The following CRCP variants were observed in gnomAD, a reference collection of about 807,000 sequenced individuals.
CRCP encodes CGRP receptor component.
A neutral mutation model predicts 18.5 loss-of-function variants in CRCP; 18 were observed. The ratio of observed to expected loss-of-function variants is 0.97; its 90% CI spans 0.67 to 1.44. The LOEUF (loss-of-function observed/expected upper bound fraction) is 1.44. Ranked by LOEUF, CRCP falls within the 40% of genes most tolerant of loss-of-function variation. The pLI is 0.00. For synonymous variants in CRCP, 53 were observed against 62.9 expected (o/e 0.84, Z 0.75); for missense variants, 130 against 176.4 (o/e 0.74, Z 1.49).
intron 1 of CRCP, among the ~76,000 whole-genome samples, chr7:66,122,001 G>C (rs1370013802): frequency 6.6e-6 from 1 of 152,160 alleles, no homozygotes; most frequent in African/African-American, 2.4e-5. Context: ...AGCATGACTT[G>C]ATAGCATAGG....
At chr7:66,124,359 CAAAA>C (rs541104067) in intron 1 of CRCP, among the ~76,000 whole-genome samples, 1 of 150,566 alleles carries the variant, frequency 6.6e-6, no homozygotes, top group African/African-American at 2.4e-5. Flanking sequence ...GACTCCTTCT[CAAAA>C]AAAAACTAAA....
chr7:66,117,929 C>G (rs1341142750), intron 1 of CRCP, among the ~76,000 whole-genome samples: 1 of 152,172 alleles, frequency 6.6e-6, no homozygotes, highest in Admixed American at 6.5e-5. Context: ...TACCCTCTGT[C>G]TGGTATACTT....
rs547873016 is a variant in CRCP at position 66,120,327 on chromosome 7, G to A, written c.8+5357G>A. Among the ~76,000 whole-genome samples the A allele has an allele frequency of 3.4e-4, 52 of 152,354 alleles. No homozygotes were observed. In the South Asian group the frequency reaches 6.4e-3, roughly 19 times the overall value. ...TTAGCTAGCATCCTAGTTGCTAGGC[G>A]TGTATATTTTCTGATTTTCCTAAGT... is the stretch of plus-strand genomic sequence containing the variant. On this transcript the variant is annotated intron_variant, in intron 1 of 5. Transcript: ENST00000395326.
intron 1 of CRCP, among the ~76,000 whole-genome samples, chr7:66,115,190 C>CG (rs1168824535): frequency 3.9e-5 from 6 of 152,168 alleles, no homozygotes; most frequent in Non-Finnish European, 7.3e-5. Context: ...GTGTCTGGTG[C>CG]GGGGCCGAGC....
chr7:66,146,198 C>A (rs1788289302), intron 5 of CRCP, among the ~76,000 whole-genome samples: 2 of 152,178 alleles, frequency 1.3e-5, no homozygotes. Flanking sequence ...GATCCCATTT[C>A]CCTGCATAAA....
rs569568672 is a variant in CRCP at position 66,119,015 on chromosome 7, C to A, written c.8+4045C>A. On this transcript the variant is annotated intron_variant, in intron 1 of 5. Coordinates refer to ENST00000395326, the MANE Select transcript of CRCP (RefSeq NM_014478.5). ...TCTTAGAGCTGGTTGTAAAGAAATT[C>A]TCTGACCTATCTCGTCTGATTGTTT... 6.0e-4 allele frequency among the ~76,000 whole-genome samples: 91 copies of A among 152,308 alleles called. No homozygotes were observed. The South Asian group carries it at 0.011, about 18-fold the overall frequency.
chr7:66,152,029 A>C (rs996066110), intron 5 of CRCP, among the ~76,000 whole-genome samples, 179 bp from the exon 6 acceptor site: 1 of 152,120 alleles, frequency 6.6e-6, no homozygotes, highest in Non-Finnish European at 1.5e-5. Context: ...GCATTGGCTC[A>C]GTCCAGGATG....
In CRCP at chr7:66,127,715, A is replaced by G. The variant is rs1787657295; in HGVS notation, c.20A>G (p.Asn7Ser). The G allele has an allele frequency of 5.0e-6, 8 of 1,614,160 alleles. No homozygotes were observed. Among genetic ancestry groups the G allele is most frequent in the South Asian group, 1.1e-5 (1 of 91,080 alleles). The change falls in exon 2 of 6, where the codon AAT (asparagine) becomes AGT (serine). Residue 7 changes from asparagine (N) to serine (S), a missense_variant. Physicochemically the swap from Asn to Ser is conservative, Grantham distance 46. Coordinates refer to ENST00000395326, the MANE Select transcript of CRCP (RefSeq NM_014478.5). MEVKDANSALLSNYEVF... is the reference protein window; with the variant it reads MEVKDASSALLSNYEVF... ...CTTTTCTTTTTCAGGAAGGATGCCA[A>G]TTCTGCGCTTCTCAGTAACTACGAG...
chr7:66,144,667 T>C (rs1271506997), intron 4 of CRCP, among the ~76,000 whole-genome samples: 1 of 152,126 alleles, frequency 6.6e-6, no homozygotes, highest in East Asian at 1.9e-4. Flanking sequence ...AATTTTTTTG[T>C]AAGGTTTTTT....
At chr7:66,146,484 A>G (rs1383222978) in intron 5 of CRCP, among the ~76,000 whole-genome samples, 1 of 152,208 alleles carries the variant, frequency 6.6e-6, no homozygotes, top group Admixed American at 6.5e-5. Context: ...GAGAATTAAC[A>G]AAATGAGAAT....
In CRCP at chr7:66,133,461, T is replaced by G. The variant is rs188763305; in HGVS notation, c.145-819T>G. On this transcript the variant is annotated intron_variant, in intron 3 of 5. Transcript: ENST00000395326. Reference sequence around the variant, plus strand: ...AGGCGGAGCTTGCAGTGAGCCGAGATCGTGCCGCTGCACTCCAGCCTGCAG... The same window carrying G: ...AGGCGGAGCTTGCAGTGAGCCGAGAGCGTGCCGCTGCACTCCAGCCTGCAG... Among the ~76,000 whole-genome samples, 636 of 149,252 alleles carry G rather than the reference T, an allele frequency of 4.3e-3. 7 individuals are homozygous for G. The highest frequency in any genetic ancestry group is 0.021 in the Middle Eastern group (6 of 292).
intron 2 of CRCP, chr7:66,128,850 T>C (rs1787697187): frequency 1.3e-5 from 2 of 152,174 alleles, no homozygotes; most frequent in South Asian, 4.1e-4. Flanking sequence ...CATTTATACC[T>C]TGACTGTGAA....
intron 1 of CRCP, among the ~76,000 whole-genome samples, chr7:66,124,397 C>G (rs1787555398): frequency 6.6e-6 from 1 of 152,102 alleles, no homozygotes; most frequent in Non-Finnish European, 1.5e-5. Flanking sequence ...CCACAAATAC[C>G]TGTATACGCG....
intron 1 of CRCP, 117 bp downstream of exon 1, chr7:66,115,087 G>A: frequency 3.4e-6 from 5 of 1,451,854 alleles, no homozygotes; most frequent in African/African-American, 2.8e-5. Context: ...TGAGGGCAGC[G>A]GGCCGGCCCT....
At chr7:66,119,136 C>G (rs1448633077) in intron 1 of CRCP, among the ~76,000 whole-genome samples, 2 of 152,156 alleles carry the variant, frequency 1.3e-5, no homozygotes, top group Non-Finnish European at 2.9e-5. Context: ...TGCACTCAGT[C>G]TTAGTATTAG....
intron 3 of CRCP, among the ~76,000 whole-genome samples, chr7:66,132,209 C>G (rs1787829438): frequency 6.6e-6 from 1 of 152,206 alleles, no homozygotes; most frequent in Admixed American, 6.6e-5. Flanking sequence ...TTAAGCTAAA[C>G]TTAAATTTTA....
chr7:66,142,885 A>G (rs1310088632), intron 4 of CRCP, among the ~76,000 whole-genome samples: 1 of 150,710 alleles, frequency 6.6e-6, no homozygotes, highest in African/African-American at 2.4e-5. Flanking sequence ...CATAATATCC[A>G]CTCCATGGTT....
At chr7:66,130,929 ATTGCTTT>A in intron 3 of CRCP, 87 bp downstream of exon 3, 2 of 772,754 alleles carry the variant, frequency 2.6e-6, no homozygotes, top group South Asian at 3.1e-5. Flanking sequence ...TGAAATTAAG[ATTGCTTT>A]TTATATGATC....
chr7:66,134,445 G>T, intron 4 of CRCP, 71 bp downstream of exon 4: 1 of 1,088,646 alleles, frequency 9.2e-7, no homozygotes, highest in East Asian at 2.4e-5. Flanking sequence ...CGTAGCAACC[G>T]TGTATTGATA....
Sources: allele counts gnomAD v4.1 joint callset (sites outside exome capture counted in the v4.1 genomes callset), GRCh38; gene constraint gnomAD v4.1.1; transcripts MANE v1.5; gene names NCBI Gene and HGNC (gene_info 2026-07-23, HGNC 2026-07-21).